The following SPECC1 variants were observed in gnomAD, a reference collection of about 807,000 sequenced individuals.
SPECC1 encodes sperm antigen with calponin homology and coiled-coil domains 1.
Under a neutral mutation model 104.1 loss-of-function variants are expected in SPECC1, and 62 were observed. The ratio of observed to expected loss-of-function variants is 0.60; its 90% confidence interval spans 0.49 to 0.74. The LOEUF is 0.74. SPECC1 is among the 30% of genes least tolerant of loss of function. The pLI, the probability that SPECC1 is intolerant of heterozygous loss-of-function variation, is 0.00. For synonymous variants in SPECC1, 513 were observed against 501.6 expected (o/e 1.02, Z -0.30); for missense variants, 1,306 against 1,310.5 (o/e 1.00, Z 0.05).
chr17:20,116,803 C>CT (rs58127201), intron 3 of SPECC1, among the ~76,000 whole-genome samples: 1,033 of 50,390 alleles, frequency 0.021, 292 homozygotes, highest in Non-Finnish European at 0.026. Context: ...TGTCTGGAGA[C>CT]TTTTTTTTTT....
intron 7 of SPECC1, among the ~76,000 whole-genome samples, chr17:20,233,834 C>G (rs1267978502): frequency 1.3e-5 from 2 of 152,234 alleles, no homozygotes. Flanking sequence ...TTGCCTCTGT[C>G]TTGCTTCCCT....
At chr17:20,107,967 A>G (rs1162476591) in intron 2 of SPECC1, among the ~76,000 whole-genome samples, 1 of 152,078 alleles carries the variant, frequency 6.6e-6, no homozygotes, top group Non-Finnish European at 1.5e-5. Flanking sequence ...GAACTACTAC[A>G]CTCCTGCCTG....
chr17:20,236,873 GTC>G, intron 7 of SPECC1: 1 of 1,613,840 alleles, frequency 6.2e-7, no homozygotes, highest in Middle Eastern at 1.7e-4. Flanking sequence ...CCTGGGCTCT[GTC>G]AGCTAGCAGA....
chr17:20,227,569 C>G lies in SPECC1; in HGVS notation c.2020C>G (p.Gln674Glu). The G allele has an allele frequency of 6.2e-7, 1 of 1,611,842 alleles. No individual in the cohort carries two copies. Among genetic ancestry groups the G allele is most frequent in the African/African-American group, 1.3e-5 (1 of 74,788 alleles). ...TIFELEDQVE[Q>E]HRAVKLHNNQ... is the part of the protein sequence containing the mutation. ...ATTTGAATTGGAAGATCAGGTGGAA[C>G]AGCACCGGGCTGTCAAGTTACACAA... is the stretch of plus-strand genomic sequence containing the variant. Residue 674 changes from glutamine (Q) to glutamate (E), a missense_variant, in exon 5 of 15, where the codon CAG (glutamine) becomes GAG (glutamate). By Grantham distance (29) the Gln-to-Glu change is conservative. This residue lies in a region of SPECC1 where 1,177 missense variants were observed against 1,139.9 expected (regional missense o/e 1.03). Coordinates refer to ENST00000395527, the MANE Select transcript of SPECC1 (RefSeq NM_001243439.2).
rs200745397 is a variant in SPECC1 at position 20,238,878 on chromosome 17, GTTA to G, written c.2351+6478_2351+6480del. ...CATTTATGAAGTGCAAAATAAACAT[GTTA>G]TTATATAGAAGCGTCTGCTGCTTAG... On this transcript the variant is annotated intron_variant, in intron 7 of 14. Coordinates refer to ENST00000395527, the MANE Select transcript of SPECC1 (RefSeq NM_001243439.2). 116 of 1,043,446 alleles carry G rather than the reference GTTA, an allele frequency of 1.1e-4. No homozygotes were observed. The East Asian group carries it at 6.3e-3, about 57-fold the overall frequency. The allele number at this position is 1,043,446 out of a possible 1,614,324, so 64.6% of individuals were successfully genotyped here.
chr17:20,139,556 G>A (rs945093537), intron 3 of SPECC1, among the ~76,000 whole-genome samples: 1 of 152,134 alleles, frequency 6.6e-6, no homozygotes, highest in South Asian at 2.1e-4. Context: ...ATCTGGATTT[G>A]TCCTAACTGA....
At position 20,318,577 on chromosome 17, in the gene SPECC1, T is replaced by G. The variant is rs1294872765; in HGVS notation, c.*4512T>G. 2 of 229,178 alleles carry G rather than the reference T, an allele frequency of 8.7e-6. No homozygotes were observed. Among genetic ancestry groups the G allele is most frequent in the Admixed American group, 5.7e-5 (1 of 17,616 alleles). The allele number at this position is 229,178 out of a possible 1,614,324, so 14.2% of individuals were successfully genotyped here. ...TCCTCTTCCCCACTGAGGGGCAGCT[T>G]GTGGAGATGGAGGACTCGGGCCCAT... On this transcript the variant is annotated 3_prime_UTR_variant, in exon 15 of 15. Transcript: ENST00000395527.
At chr17:20,065,491 C>G (rs1261410969) in intron 1 of SPECC1, among the ~76,000 whole-genome samples, 1 of 152,244 alleles carries the variant, frequency 6.6e-6, no homozygotes, top group Non-Finnish European at 1.5e-5. Flanking sequence ...GCAAAGGATA[C>G]AGATGAAGAG....
chr17:20,037,986 T>G (rs2045160005), intron 1 of SPECC1, among the ~76,000 whole-genome samples: 1 of 152,080 alleles, frequency 6.6e-6, no homozygotes, highest in Non-Finnish European at 1.5e-5. Context: ...ATTGGGTGAG[T>G]TGTGGTAATT....
intron 12 of SPECC1, among the ~76,000 whole-genome samples, chr17:20,275,812 TC>T (rs1351272141): frequency 6.6e-6 from 1 of 152,144 alleles, no homozygotes; most frequent in Non-Finnish European, 1.5e-5. Context: ...GTGTCCCCTG[TC>T]CCCATGTGGC....
chr17:20,293,050 A>G (rs568090858), intron 12 of SPECC1, among the ~76,000 whole-genome samples: 33 of 152,302 alleles, frequency 2.2e-4, no homozygotes, highest in Admixed American at 3.9e-4. Context: ...CTTTGTATCT[A>G]TGTCATTCAG....
In SPECC1 at chr17:20,214,727, C is replaced by G. The variant is rs182007095; in HGVS notation, c.1863+8815C>G. ...TTCACCATGTTGGCCAGGCTGGTCT[C>G]AAACCCCTGACCTTAAGTGATCCAC... On this transcript the variant is annotated intron_variant, in intron 4 of 14. Transcript: ENST00000395527. Among the ~76,000 whole-genome samples, 451 of 152,220 alleles carry G rather than the reference C, an allele frequency of 3.0e-3. 4 individuals carry two copies. The highest frequency in any genetic ancestry group is 0.01 in the African/African-American group (424 of 41,542).
At chr17:20,085,479 A>G (rs1380193926) in intron 1 of SPECC1, among the ~76,000 whole-genome samples, 3 of 152,218 alleles carry the variant, frequency 2.0e-5, no homozygotes, top group African/African-American at 7.2e-5. Context: ...TGTAATGACA[A>G]GGTAATCCCA....
intron 1 of SPECC1, among the ~76,000 whole-genome samples, chr17:20,082,761 C>G (rs1054155543): frequency 1.3e-5 from 2 of 152,164 alleles, no homozygotes; most frequent in Non-Finnish European, 2.9e-5. Flanking sequence ...GAAAGACCCT[C>G]TCTCCAAATA....
chr17:20,301,206 T>C (rs530343817), intron 13 of SPECC1, among the ~76,000 whole-genome samples: 23 of 152,216 alleles, frequency 1.5e-4, no homozygotes, highest in Admixed American at 6.5e-4. Flanking sequence ...TCGTACCATA[T>C]AAAACTGAGC....
chr17:20,205,776 A>T lies in SPECC1; in HGVS notation c.1727A>T (p.Glu576Val). 8 of 1,614,242 alleles carry T rather than the reference A, an allele frequency of 5.0e-6. No individual in the cohort carries two copies. Among genetic ancestry groups the T allele is most frequent in the Non-Finnish European group, 6.8e-6 (8 of 1,180,040 alleles). ...GCCAGTGCTGTGGAGCAGACGGCAG[A>T]GAGCTGCGAAGTTCAAGAAATGTTG... Reference protein sequence around the residue: ...TEASAVEQTAESCEVQEMLKV... With the variant: ...TEASAVEQTAVSCEVQEMLKV... The change falls in exon 4 of 15, where the codon GAG becomes GTG. Residue 576 changes from glutamate to valine, a missense_variant. Coordinates refer to ENST00000395527, the MANE Select transcript of SPECC1 (RefSeq NM_001243439.2).
chr17:20,183,711 T>G (rs2035066657), intron 3 of SPECC1, among the ~76,000 whole-genome samples: 1 of 152,192 alleles, frequency 6.6e-6, no homozygotes, highest in African/African-American at 2.4e-5. Context: ...GTTGTTATAC[T>G]GTATTGTTTA....
At chr17:20,227,743 C>G (rs1049610641) in intron 5 of SPECC1, 123 bp downstream of exon 5, 29 of 843,156 alleles carry the variant, frequency 3.4e-5, no homozygotes, top group Non-Finnish European at 4.9e-5. Context: ...TGGTGAAACC[C>G]TGTCTCTACT....
At chr17:20,103,611 G>C (rs555810175) in intron 2 of SPECC1, among the ~76,000 whole-genome samples, 12 of 152,302 alleles carry the variant, frequency 7.9e-5, no homozygotes, top group African/African-American at 2.9e-4. Context: ...GACAAGAAGG[G>C]AGGGAGGGGT....
Sources: gnomAD v4.1 joint callset for allele counts (sites outside exome capture counted in the v4.1 genomes callset) on GRCh38, gnomAD v4.1.1 for gene constraint, gnomAD v4.1.1 regional missense constraint, MANE v1.5 for transcripts, NCBI Gene and HGNC (gene_info 2026-07-23, HGNC 2026-07-21) for gene names.